IQSEC1: variants seen among roughly 807,000 people sequenced by gnomAD.
The protein encoded by IQSEC1 is IQ motif and Sec7 domain ArfGEF 1.
Under a neutral mutation model 91.0 loss-of-function variants are expected in IQSEC1, and 31 were observed. That is an observed-to-expected ratio of 0.34 (90% CI 0.26 to 0.46). The LOEUF (loss-of-function observed/expected upper bound fraction) is 0.46, where lower values mean the gene tolerates loss of function less well. Among genes scored for constraint, IQSEC1 ranks in the 20% least tolerant of loss-of-function variants. The probability of loss-of-function intolerance (pLI) is 1.00; values close to 1 mark genes in which losing one functional copy is unlikely to be tolerated. For synonymous variants in IQSEC1, 699 were observed against 662.6 expected, an observed-to-expected ratio of 1.05 and a Z score of -0.84; for missense variants, 1,388 against 1,575.6, an observed-to-expected ratio of 0.88 and a Z score of 2.02.
chr3:12,990,608 T>C (rs980773765), intron 1 of IQSEC1, among the ~76,000 whole-genome samples: 4 of 152,156 alleles, frequency 2.6e-5, no homozygotes, highest in African/African-American at 9.7e-5. Context: ...AGGGATTTAT[T>C]TGGGTCAGTC....
chr3:12,984,516 G>A (rs1005448363), intron 1 of IQSEC1, among the ~76,000 whole-genome samples: 5 of 152,178 alleles, frequency 3.3e-5, no homozygotes, highest in African/African-American at 1.2e-4. Context: ...CCCACAGGGT[G>A]ACAGTGACTC....
chr3:13,113,594 AC>A (rs1706287143), intron 2 of IQSEC1, among the ~76,000 whole-genome samples: 3 of 152,082 alleles, frequency 2.0e-5, no homozygotes, highest in African/African-American at 7.2e-5. Flanking sequence ...CGGAGAGAAG[AC>A]GAGGCCTCCA....
At chr3:12,901,632 GT>G (rs1208452368) in intron 13 of IQSEC1, 110 bp from the exon 14 acceptor site, 12 of 928,500 alleles carry the variant, frequency 1.3e-5, no homozygotes, top group Non-Finnish European at 1.3e-5. Context: ...CTAAGCTTTA[GT>G]TCAACTCACT....
At chr3:13,141,778 G>C (rs1706803008) in intron 2 of IQSEC1, among the ~76,000 whole-genome samples, 1 of 152,232 alleles carries the variant, frequency 6.6e-6, no homozygotes, top group African/African-American at 2.4e-5. Flanking sequence ...AAAGAGGTTA[G>C]AGAAAGACGG....
chr3:12,960,055 A>G (rs1700149498), intron 1 of IQSEC1, among the ~76,000 whole-genome samples: 1 of 151,776 alleles, frequency 6.6e-6, no homozygotes, highest in Non-Finnish European at 1.5e-5. Flanking sequence ...TTCCCCAAAC[A>G]CTTCCTCTCC....
At chr3:13,170,974 C>T (rs1693596147) in intron 1 of IQSEC1, among the ~76,000 whole-genome samples, 3 of 152,102 alleles carry the variant, frequency 2.0e-5, no homozygotes. Context: ...ATGGTGAGTG[C>T]CTGTAATCCC....
intron 1 of IQSEC1, among the ~76,000 whole-genome samples, chr3:13,278,959 C>T (rs537242953): frequency 1.3e-5 from 2 of 152,304 alleles, no homozygotes; most frequent in Admixed American, 1.3e-4. Flanking sequence ...GGTTCCACAT[C>T]TATAAAATGG....
rs1352992358 is a variant in IQSEC1, at chr3:12,898,474, C to T, written c.*2509G>A. 6.6e-6 allele frequency: 1 copy of T among 152,238 alleles called. No individual in the cohort carries two copies. The highest frequency in any genetic ancestry group is 1.5e-5 in the Non-Finnish European group (1 of 68,058). The allele number at this position is 152,238 out of a possible 1,614,324, so 9.4% of individuals were successfully genotyped here. ...CTGCCCAGCACAGCTCCAGGACACA[C>T]CGAGGACAGTGCCACAGGCTGGCAG... On this transcript the variant is annotated 3_prime_UTR_variant, in exon 14 of 14. Coordinates refer to ENST00000613206, the MANE Select transcript of IQSEC1 (RefSeq NM_001134382.3).
At chr3:13,175,434 G>A (rs1311019511) in intron 1 of IQSEC1, among the ~76,000 whole-genome samples, 1 of 152,158 alleles carries the variant, frequency 6.6e-6, no homozygotes, top group Non-Finnish European at 1.5e-5. Flanking sequence ...CCCCTGCTCT[G>A]TGTGACTGAG....
At chr3:13,046,902 A>G (rs894193741) in intron 1 of IQSEC1, among the ~76,000 whole-genome samples, 1 of 152,232 alleles carries the variant, frequency 6.6e-6, no homozygotes, top group African/African-American at 2.4e-5. Flanking sequence ...GACTGGAACA[A>G]GGATCTGCTG....
intron 2 of IQSEC1, among the ~76,000 whole-genome samples, chr3:13,096,917 G>T (rs1387750230): frequency 2.0e-5 from 3 of 150,674 alleles, no homozygotes; most frequent in African/African-American, 7.4e-5. Context: ...CTGGAGTGCG[G>T]TGGCGCGATC....
At position 12,985,016 on chromosome 3, in the gene IQSEC1, G is replaced by A. The variant is rs1393186275; in HGVS notation, c.24-43151C>T. Among the ~76,000 whole-genome samples, 5 of 151,908 alleles carry A rather than the reference G, an allele frequency of 3.3e-5. No individual in the cohort carries two copies. The South Asian group carries it at 1.0e-3, about 32-fold the overall frequency. On this transcript the variant is annotated intron_variant, in intron 1 of 13. Transcript: ENST00000613206. ...ATTTTTTGTATTTTTAGTAGAGACA[G>A]GGTTTCACCGTGTTAGCCAGGATGG...
chr3:12,913,282 T>G, intron 9 of IQSEC1, 146 bp downstream of exon 9: 1 of 776,510 alleles, frequency 1.3e-6, no homozygotes, highest in East Asian at 3.8e-5. Context: ...TCTGTCTTCA[T>G]GTGCATCAGT....
chr3:12,952,329 G>A (rs908597649), intron 1 of IQSEC1, among the ~76,000 whole-genome samples: 3 of 152,110 alleles, frequency 2.0e-5, no homozygotes, highest in African/African-American at 7.2e-5. Flanking sequence ...GGTGCAGTTG[G>A]GGTCCTTGGA....
intron 1 of IQSEC1, among the ~76,000 whole-genome samples, chr3:13,197,584 T>C (rs1553573850): frequency 6.6e-6 from 1 of 152,192 alleles, no homozygotes; most frequent in Non-Finnish European, 1.5e-5. Context: ...GCCCGCCCTA[T>C]TCAGCAGCAT....
intron 1 of IQSEC1, among the ~76,000 whole-genome samples, chr3:13,048,162 T>C (rs1485556716): frequency 6.6e-6 from 1 of 152,224 alleles, no homozygotes; most frequent in Non-Finnish European, 1.5e-5. Context: ...CTCACCTCTC[T>C]GTGCCTCAGT....
At chr3:12,923,558 G>T (rs934728527) in intron 4 of IQSEC1, among the ~76,000 whole-genome samples, 2 of 152,244 alleles carry the variant, frequency 1.3e-5, no homozygotes, top group Non-Finnish European at 2.9e-5. Flanking sequence ...GTGGGACGGG[G>T]ACTACATGAG....
At chr3:13,077,930 T>C (rs921651760), upstream of IQSEC1, among the ~76,000 whole-genome samples, 17 of 152,296 alleles carry the variant, frequency 1.1e-4, 1 homozygote, top group Admixed American at 5.9e-4. Context: ...TCCTGGCTGA[T>C]GGAGATCTGA....
chr3:13,191,477 ATTTTTTTTTTT>A (rs57912681), intron 1 of IQSEC1, among the ~76,000 whole-genome samples: 94 of 92,102 alleles, frequency 1.0e-3, no homozygotes, highest in Middle Eastern at 0.01. Flanking sequence ...CACCCAGCTA[ATTTTTTTTTTT>A]TTTTTTTTTT....
Sources: gnomAD v4.1 joint callset for allele counts (sites outside exome capture counted in the v4.1 genomes callset) on GRCh38, gnomAD v4.1.1 for gene constraint, MANE v1.5 for transcripts, NCBI Gene and HGNC (gene_info 2026-07-23, HGNC 2026-07-21) for gene names.